Variants in DGKB observed in about 807,000 individuals in gnomAD.
DGKB encodes the protein 90 kDa diacylglycerol kinase.
In DGKB, 67 loss-of-function variants were observed where a neutral mutation model predicts 114.3. The ratio of observed to expected loss-of-function variants is 0.59; its 90% CI spans 0.48 to 0.72. The LOEUF is 0.72. DGKB is among the 30% of genes least tolerant of loss of function. The pLI, the probability that DGKB is intolerant of heterozygous loss-of-function variation, is 0.00. For synonymous variants in DGKB, 398 were observed against 323.1 expected, an observed-to-expected ratio of 1.23 and a Z score of -2.49; for missense variants, 907 against 975.2, an observed-to-expected ratio of 0.93 and a Z score of 0.93.
intron 14 of DGKB, among the ~76,000 whole-genome samples, chr7:14,623,769 CTTT>C (rs1563710862): frequency 6.6e-6 from 1 of 152,064 alleles, no homozygotes. Context: ...AAAGTTCCTT[CTTT>C]TTAAGTTTGC....
chr7:14,348,806 T>C (rs1347199381), intron 21 of DGKB, among the ~76,000 whole-genome samples: 2 of 151,644 alleles, frequency 1.3e-5, no homozygotes. Flanking sequence ...AGGTAGCATG[T>C]GAATGGATAA....
chr7:14,473,906 G>T (rs1385670331), intron 21 of DGKB, among the ~76,000 whole-genome samples: 1 of 152,178 alleles, frequency 6.6e-6, no homozygotes, highest in African/African-American at 2.4e-5. Context: ...TACTCCCATT[G>T]TATCTAGGAA....
chr7:14,553,106 C>T (rs1445185147), intron 20 of DGKB, among the ~76,000 whole-genome samples: 1 of 152,200 alleles, frequency 6.6e-6, no homozygotes, highest in Non-Finnish European at 1.5e-5. Flanking sequence ...ACGGTCAGCT[C>T]AAGCAGCTCA....
chr7:14,313,645 T>C (rs1400705324), intron 23 of DGKB, among the ~76,000 whole-genome samples: 1 of 152,114 alleles, frequency 6.6e-6, no homozygotes, highest in Non-Finnish European at 1.5e-5. Flanking sequence ...CCACGGAGTC[T>C]CGCTGATTGC....
At chr7:14,317,315 T>G (rs1806766515) in intron 23 of DGKB, among the ~76,000 whole-genome samples, 1 of 102,612 alleles carries the variant, frequency 9.7e-6, no homozygotes, top group Non-Finnish European at 2.0e-5. Context: ...AAATAAGGGG[T>G]ATTCAATTAG....
intron 23 of DGKB, among the ~76,000 whole-genome samples, chr7:14,216,993 G>C (rs1789091935): frequency 6.6e-6 from 1 of 151,996 alleles, no homozygotes; most frequent in South Asian, 2.1e-4. Context: ...CAAATATATA[G>C]TTTTAAAAGT....
chr7:14,830,187 A>G (rs906942322), intron 2 of DGKB, among the ~76,000 whole-genome samples: 15 of 152,078 alleles, frequency 9.9e-5, no homozygotes, highest in African/African-American at 3.6e-4. Context: ...TTCCCATTAG[A>G]AACAGCTAAT....
At chr7:14,467,836 C>T (rs1042982324) in intron 21 of DGKB, among the ~76,000 whole-genome samples, 11 of 152,094 alleles carry the variant, frequency 7.2e-5, no homozygotes, top group Admixed American at 6.6e-4. Flanking sequence ...TAATTAGTTC[C>T]AATTAGCCAT....
At chr7:14,254,042 T>C (rs1022335402) in intron 23 of DGKB, among the ~76,000 whole-genome samples, 1 of 152,188 alleles carries the variant, frequency 6.6e-6, no homozygotes, top group South Asian at 2.1e-4. Flanking sequence ...CTTTTGCTGA[T>C]ACAAACTTGT....
intron 21 of DGKB, among the ~76,000 whole-genome samples, chr7:14,365,876 G>A (rs1816591949): frequency 6.6e-6 from 1 of 152,090 alleles, no homozygotes; most frequent in South Asian, 2.1e-4. Context: ...TTAATACTTA[G>A]AGCAGCAGTT....
At chr7:14,170,523 T>A (rs1780835670) in intron 25 of DGKB, among the ~76,000 whole-genome samples, 1 of 152,164 alleles carries the variant, frequency 6.6e-6, no homozygotes, top group South Asian at 2.1e-4. Flanking sequence ...TGTTCTTATG[T>A]CTTGAAAAAT....
rs184784923 is a variant in DGKB, at chr7:14,759,582, C to T, written c.71-1851G>A. ...GGTTTTTCCATGTTATAACATGTAT[C>T]AGTACTTCACTCCTTTTTATAGCTG... On this transcript the variant is annotated intron_variant, in intron 2 of 25. Transcript: ENST00000402815. Among the ~76,000 whole-genome samples, 453 of 152,214 alleles carry T rather than the reference C, an allele frequency of 3.0e-3. 5 individuals are homozygous for T. Among genetic ancestry groups the T allele is most frequent in the African/African-American group, 0.011 (440 of 41,560 alleles).
intron 7 of DGKB, among the ~76,000 whole-genome samples, chr7:14,699,298 C>T (rs1002658633): frequency 6.6e-6 from 1 of 152,156 alleles, no homozygotes; most frequent in Non-Finnish European, 1.5e-5. Context: ...ACTAATCTCT[C>T]ACCTACTCCA....
intron 17 of DGKB, among the ~76,000 whole-genome samples, chr7:14,588,675 T>G (rs893344798): frequency 6.6e-6 from 1 of 152,142 alleles, no homozygotes; most frequent in African/African-American, 2.4e-5. Context: ...TATTGAATAA[T>G]TCAACTTTCT....
intron 20 of DGKB, among the ~76,000 whole-genome samples, chr7:14,564,186 A>C (rs1366614220): frequency 6.6e-6 from 1 of 152,126 alleles, no homozygotes; most frequent in East Asian, 1.9e-4. Flanking sequence ...CACTGCCTGT[A>C]TTCTCCCCTA....
intron 21 of DGKB, among the ~76,000 whole-genome samples, chr7:14,361,190 A>G (rs1563016351): frequency 6.6e-6 from 1 of 152,118 alleles, no homozygotes; most frequent in African/African-American, 2.4e-5. Context: ...AACAAGAAGC[A>G]TAACTTTGCA....
rs533801268 is a variant in DGKB, at chr7:14,776,683, T to C, written c.71-18952A>G. Among the ~76,000 whole-genome samples the C allele has an allele frequency of 6.6e-5, 10 of 152,330 alleles. No individual in the cohort carries two copies. The East Asian group carries it at 1.7e-3, about 26-fold the overall frequency. ...CTGAATTTCAGAGAATGTATGGAAA[T>C]GCCTGGATGTCCAGGCAGAAGTCTG... On this transcript the variant is annotated intron_variant, in intron 2 of 25. Coordinates refer to ENST00000402815, the MANE Select transcript of DGKB (RefSeq NM_001350709.2).
rs1207488278 is a variant in DGKB, at chr7:14,188,584, C to T, written c.2123-10433G>A. 1.2e-3 allele frequency among the ~76,000 whole-genome samples: 136 copies of T among 116,342 alleles called. 7 individuals are homozygous for T. The highest frequency in any genetic ancestry group is 9.0e-3 in the Middle Eastern group (2 of 222). 76.3% of individuals were successfully genotyped at this position (116,342 alleles called of 152,430 possible). ...CTGAGGCAGGAGAATGGCGTGAACC[C>T]GGGAGGCGGAGCTTGCAGTGAGCCT... On this transcript the variant is annotated intron_variant, in intron 23 of 25. Coordinates refer to ENST00000402815, the MANE Select transcript of DGKB (RefSeq NM_001350709.2).
At chr7:14,434,922 T>G (rs1345664944) in intron 21 of DGKB, among the ~76,000 whole-genome samples, 1 of 152,132 alleles carries the variant, frequency 6.6e-6, no homozygotes, top group African/African-American at 2.4e-5. Context: ...TCTTTCACAC[T>G]AAGCTTGTTT....
Sources: gnomAD v4.1 joint callset for allele counts (sites outside exome capture counted in the v4.1 genomes callset) on GRCh38, gnomAD v4.1.1 for gene constraint, MANE v1.5 for transcripts, NCBI Gene and HGNC (gene_info 2026-07-23, HGNC 2026-07-21) for gene names.